The following AGAP1 variants were observed in gnomAD, a reference collection of about 807,000 sequenced individuals.
AGAP1 encodes ArfGAP with GTPase domain, ankyrin repeat and PH domain 1, also known as arf-GAP with GTPase, ANK repeat and PH domain-containing protein 1.
In AGAP1, 29 loss-of-function variants were observed where a neutral mutation model predicts 105.3. The observed-to-expected ratio is 0.28, with a 90% confidence interval of 0.21 to 0.38. AGAP1 has a LOEUF of 0.38. AGAP1 is among the 10% of genes least tolerant of loss of function. The pLI, the probability that AGAP1 is intolerant of heterozygous loss-of-function variation, is 1.00. For missense variants in AGAP1, 998 were observed against 1,165.1 expected, an observed-to-expected ratio of 0.86 and a Z score of 2.09; for synonymous variants, 509 against 485.9, an observed-to-expected ratio of 1.05 and a Z score of -0.63.
rs1031137037 is a variant in AGAP1, at chr2:235,714,779, G to A, written c.223-2778G>A. 6.6e-6 allele frequency among the ~76,000 whole-genome samples: 1 copy of A among 151,980 alleles called. No homozygotes were observed. Among genetic ancestry groups the A allele is most frequent in the Admixed American group, 6.6e-5 (1 of 15,254 alleles). On this transcript the variant is annotated intron_variant, in intron 2 of 17. Coordinates refer to ENST00000304032, the MANE Select transcript of AGAP1 (RefSeq NM_001037131.3). This position sits in a 1 kb window ranked among gnomAD's most constrained non-coding sequence, Gnocchi z 4.1. The stretch of plus-strand genomic sequence containing the variant: ...GCCAAATTTGTTCTCTTATATGTTT[G>A]TTTGTTTTCTTTTTTGTTGTTGTTT...
intron 1 of AGAP1, among the ~76,000 whole-genome samples, chr2:235,630,094 G>A (rs1015039379): frequency 6.6e-6 from 1 of 151,994 alleles, no homozygotes; most frequent in Non-Finnish European, 1.5e-5. Context: ...AAAAATATAG[G>A]ACTGTAGAAA....
At position 236,087,732 on chromosome 2, in the gene AGAP1, C is replaced by T. The variant is rs1337761485; in HGVS notation, c.2115-32460C>T. Reference sequence around the variant, plus strand: ...TGGTTAAGTGACAACCGGGGACATACCCATTTTCTTTGTCCATGAAGCACC... The same window carrying T: ...TGGTTAAGTGACAACCGGGGACATATCCATTTTCTTTGTCCATGAAGCACC... On this transcript the variant is annotated intron_variant, in intron 16 of 17. Transcript: ENST00000304032. This position sits in a 1 kb window ranked among gnomAD's most constrained non-coding sequence, Gnocchi z 5.7. Among the ~76,000 whole-genome samples the T allele has an allele frequency of 6.6e-6, 1 of 152,194 alleles. No homozygotes were observed. The highest frequency in any genetic ancestry group is 2.4e-5 in the African/African-American group (1 of 41,440).
intron 12 of AGAP1, among the ~76,000 whole-genome samples, chr2:235,939,398 C>G (rs2053146770): frequency 6.6e-6 from 1 of 152,210 alleles, no homozygotes; most frequent in East Asian, 1.9e-4. Context: ...CTCTCATCTT[C>G]CAAGGGACTC....
rs1384770027 is a variant in AGAP1, at chr2:235,970,224, A to AT, written c.1645+1601_1645+1602insT. On this transcript the variant is annotated intron_variant, in intron 13 of 17. Coordinates refer to ENST00000304032, the MANE Select transcript of AGAP1 (RefSeq NM_001037131.3). This position sits in a 1 kb window ranked among gnomAD's most constrained non-coding sequence, Gnocchi z 5.4. ...CTGTCTTTAAAAAAAAAAAAAAAAA[A>AT]AAAAGACGATTTTTCTCATGTTGTG... 1.3e-5 allele frequency among the ~76,000 whole-genome samples: 2 copies of AT among 151,506 alleles called. No homozygotes were observed. Among genetic ancestry groups the AT allele is most frequent in the African/African-American group, 4.9e-5 (2 of 41,070 alleles).
rs2057520297 is a variant in AGAP1, at chr2:236,040,627, G to A, written c.1801-124G>A. 3 of 676,622 alleles carry A rather than the reference G, an allele frequency of 4.4e-6. No homozygotes were observed. The highest frequency in any genetic ancestry group is 1.9e-5 in the South Asian group (1 of 53,732). 41.9% of individuals were successfully genotyped at this position (676,622 alleles called of 1,614,324 possible). On this transcript the variant is annotated intron_variant, in intron 14 of 17. Coordinates refer to ENST00000304032, the MANE Select transcript of AGAP1 (RefSeq NM_001037131.3). The surrounding 1 kb of genome is among the most constrained non-coding windows in gnomAD (Gnocchi z 5.6). ...CAAAGACATCAAAACAAGAGTGATT[G>A]TTTAGAAATTACCCTCGTCCTACAT...
At position 235,893,250 on chromosome 2, in the gene AGAP1, A is replaced by T. The variant is rs1045528586; in HGVS notation, c.1155+9801A>T. On this transcript the variant is annotated intron_variant, in intron 10 of 17. Transcript: ENST00000304032. The surrounding 1 kb of genome is among the most constrained non-coding windows in gnomAD (Gnocchi z 4.7). ...ACCATGTCTGTAGCGCGGGTGTGCC[A>T]TGTCCATCATAAGGAAGCGCCGTGT... is the stretch of plus-strand genomic sequence containing the variant. 2.0e-5 allele frequency among the ~76,000 whole-genome samples: 3 copies of T among 149,010 alleles called. No homozygotes were observed. Among genetic ancestry groups the T allele is most frequent in the Non-Finnish European group, 4.4e-5 (3 of 67,436 alleles).
chr2:235,888,571 G>A lies in AGAP1; in HGVS notation c.1155+5122G>A, dbSNP rs2050376794. On this transcript the variant is annotated intron_variant, in intron 10 of 17. Transcript: ENST00000304032. This position sits in a 1 kb window ranked among gnomAD's most constrained non-coding sequence, Gnocchi z 4.8. Reference sequence around the variant, plus strand: ...ATAAAAAAGTGAGCCAGGTGTGGTGGAGCACACCTGTAGTCCCAGCTACTC... The same window carrying A: ...ATAAAAAAGTGAGCCAGGTGTGGTGAAGCACACCTGTAGTCCCAGCTACTC... Among the ~76,000 whole-genome samples, 1 of 152,130 alleles carries A rather than the reference G, an allele frequency of 6.6e-6. No homozygotes were observed. Among genetic ancestry groups the A allele is most frequent in the African/African-American group, 2.4e-5 (1 of 41,422 alleles).
At chr2:235,706,962 G>C (rs766463968) in intron 1 of AGAP1, among the ~76,000 whole-genome samples, 14 of 152,244 alleles carry the variant, frequency 9.2e-5, no homozygotes, top group Non-Finnish European at 1.6e-4. Context: ...GACACAATTA[G>C]TTACCCCTGA....
Position 235,983,283 on chromosome 2 carries a change from G to A in AGAP1, c.1645+14660G>A, listed in dbSNP as rs1164631717. Among the ~76,000 whole-genome samples the A allele has an allele frequency of 3.3e-5, 5 of 152,134 alleles. No homozygotes were observed. Among genetic ancestry groups the A allele is most frequent in the African/African-American group, 9.7e-5 (4 of 41,440 alleles). ...GAACATGGCTGGGAGGGCATCCACCGGGGCAGGGGTCTGGGCAAGGGGCTT... is the reference window on the plus strand; with the variant it reads ...GAACATGGCTGGGAGGGCATCCACCAGGGCAGGGGTCTGGGCAAGGGGCTT... On this transcript the variant is annotated intron_variant, in intron 13 of 17. Transcript: ENST00000304032. This position sits in a 1 kb window ranked among gnomAD's most constrained non-coding sequence, Gnocchi z 4.5.
intron 13 of AGAP1, among the ~76,000 whole-genome samples, chr2:236,008,417 C>T (rs1337129348): frequency 1.3e-5 from 2 of 152,190 alleles, no homozygotes; most frequent in African/African-American, 4.8e-5. Context: ...GCATTTCTCA[C>T]GTTCATCTGA....
chr2:235,929,502 TTTC>T (rs1203399216), intron 11 of AGAP1, among the ~76,000 whole-genome samples: 1 of 152,114 alleles, frequency 6.6e-6, no homozygotes, highest in Non-Finnish European at 1.5e-5. Context: ...ATAGGTATCT[TTTC>T]TTTTTTTTTA....
At chr2:235,837,368 G>A (rs1004897520) in intron 9 of AGAP1, among the ~76,000 whole-genome samples, 7 of 152,170 alleles carry the variant, frequency 4.6e-5, no homozygotes, top group African/African-American at 1.7e-4. Flanking sequence ...TTTCCTGAGA[G>A]GGAACGTTTA....
chr2:235,523,742 G>A (rs868127881), intron 1 of AGAP1, among the ~76,000 whole-genome samples: 5 of 152,084 alleles, frequency 3.3e-5, no homozygotes, highest in East Asian at 1.9e-4. Context: ...GCCTTGGGTC[G>A]AAAGGCCGAC....
intron 6 of AGAP1, among the ~76,000 whole-genome samples, chr2:235,782,256 AT>A (rs35429287): frequency 0.49 from 72,103 of 148,300 alleles, 17,639 homozygotes; most frequent in East Asian, 0.68. Context: ...ACTCCTGCCC[AT>A]TTTTTTTTTT....
At chr2:236,052,922 T>G (rs2125722020) in intron 16 of AGAP1, among the ~76,000 whole-genome samples, 1 of 152,286 alleles carries the variant, frequency 6.6e-6, no homozygotes, top group East Asian at 1.9e-4. Flanking sequence ...AATATCGATT[T>G]TAAGTGGGGA....
rs532041152 is a variant in AGAP1, at chr2:235,966,155, G to A, written c.1484-2307G>A. Among the ~76,000 whole-genome samples, 12 of 147,858 alleles carry A rather than the reference G, an allele frequency of 8.1e-5. No individual in the cohort carries two copies. In the South Asian group the frequency reaches 2.6e-3, roughly 32 times the overall value. On this transcript the variant is annotated intron_variant, in intron 12 of 17. Coordinates refer to ENST00000304032, the MANE Select transcript of AGAP1 (RefSeq NM_001037131.3). ...TCCTCTGGGGATGGAGGAGAGGGGA[G>A]CTCGTTCCTCTGGGGATGGAGGAGA... is the stretch of plus-strand genomic sequence containing the variant.
chr2:235,883,075 C>T lies in AGAP1; in HGVS notation c.1051-270C>T, dbSNP rs1337013498. ...GGGCTCAAACGATCCTTACACCGTG[C>T]CCAGCCTGGGGTTTCTTTCTTTAAA... On this transcript the variant is annotated intron_variant, in intron 9 of 17. Transcript: ENST00000304032. The surrounding 1 kb of genome is among the most constrained non-coding windows in gnomAD (Gnocchi z 4.5). 6.6e-6 allele frequency among the ~76,000 whole-genome samples: 1 copy of T among 152,088 alleles called. No individual in the cohort carries two copies. The highest frequency in any genetic ancestry group is 2.4e-5 in the African/African-American group (1 of 41,426).
intron 9 of AGAP1, among the ~76,000 whole-genome samples, chr2:235,831,936 A>G (rs986927351): frequency 2.6e-5 from 4 of 152,170 alleles, no homozygotes; most frequent in African/African-American, 4.8e-5. Context: ...CCAGCAATGG[A>G]TGAGAGTTTC....
chr2:235,677,269 T>C (rs1948791849), intron 1 of AGAP1, among the ~76,000 whole-genome samples: 2 of 152,314 alleles, frequency 1.3e-5, no homozygotes, highest in East Asian at 3.9e-4. Context: ...CTAACAGCTC[T>C]AAAGACTCAA....
Sources: gnomAD v4.1 joint callset for allele counts (sites outside exome capture counted in the v4.1 genomes callset) on GRCh38, gnomAD v4.1.1 for gene constraint, Gnocchi (gnomAD v3.1) non-coding constraint, MANE v1.5 for transcripts, NCBI Gene and HGNC (gene_info 2026-07-23, HGNC 2026-07-21) for gene names.